INTU: variants seen among roughly 807,000 people sequenced by gnomAD.
The protein encoded by INTU is inturned planar cell polarity protein, also known as protein inturned.
Under a neutral mutation model 100.5 loss-of-function variants are expected in INTU, and 68 were observed. The observed-to-expected ratio is 0.68, with a 90% CI of 0.56 to 0.83. INTU has a LOEUF of 0.83. INTU is among the 40% of genes least tolerant of loss of function. The pLI is 0.00. For missense variants in INTU, 1,071 were observed against 1,114.7 expected, an observed-to-expected ratio of 0.96 and a Z score of 0.56; for synonymous variants, 357 against 395.7, an observed-to-expected ratio of 0.90 and a Z score of 1.16.
intron 3 of INTU, among the ~76,000 whole-genome samples, chr4:127,662,200 T>A (rs182171242): frequency 1.3e-3 from 202 of 152,306 alleles, no homozygotes; most frequent in African/African-American, 4.4e-3. Flanking sequence ...AGATGCGTAG[T>A]TTGCAACTAT....
intron 6 of INTU, among the ~76,000 whole-genome samples, chr4:127,681,246 A>C (rs1367253517): frequency 6.6e-6 from 1 of 152,220 alleles, no homozygotes; most frequent in Non-Finnish European, 1.5e-5. Context: ...GAATTGGAAA[A>C]AACTACTTTA....
Position 127,641,369 on chromosome 4 carries a change from C to T in INTU, c.147-2152C>T, listed in dbSNP as rs528926729. ...ACCACTTCTGTCATTCCCCACCTTC[C>T]GCATTTACTCTGACAACTGCAGACT... On this transcript the variant is annotated intron_variant, in intron 1 of 15. Transcript: ENST00000335251. 5.9e-5 allele frequency among the ~76,000 whole-genome samples: 9 copies of T among 152,328 alleles called. No homozygotes were observed. In the East Asian group the frequency reaches 1.5e-3, roughly 26 times the overall value.
Position 127,726,724 on chromosome 4 carries a change from G to C in INTU, c.*10288G>C. On this transcript the variant is annotated 3_prime_UTR_variant, in exon 16 of 16. Coordinates refer to ENST00000335251, the MANE Select transcript of INTU (RefSeq NM_015693.4). ...GATAGTTTTAAATAAAACTGGTTTG[G>C]AGGTTTGTTTGCAGTTGTATTGCCT... The C allele has an allele frequency of 6.6e-6, 1 of 152,042 alleles. No homozygotes were observed. The allele number at this position is 152,042 out of a possible 1,614,324, so 9.4% of individuals were successfully genotyped here. A position where few individuals can be genotyped will look rare whatever the true frequency, so the allele number is the denominator to read the frequency against.
rs1731269306 is a variant in INTU at position 127,716,568 on chromosome 4, ATT to A, written c.*133_*134del. 1 of 397,966 alleles carries A rather than the reference ATT, an allele frequency of 2.5e-6. No homozygotes were observed. The highest frequency in any genetic ancestry group is 4.5e-6 in the Non-Finnish European group (1 of 223,556). The allele number at this position is 397,966 out of a possible 1,614,324, so 24.7% of individuals were successfully genotyped here. On this transcript the variant is annotated 3_prime_UTR_variant, in exon 16 of 16. Transcript: ENST00000335251. Reference sequence around the variant, plus strand: ...AATATTGAACATAATATTGTTAAATATTGAGATGAAATGCTGTTGGATTTGAT... The same window carrying A: ...AATATTGAACATAATATTGTTAAATAGAGATGAAATGCTGTTGGATTTGAT...
At chr4:127,633,274 G>A in intron 1 of INTU, 94 bp downstream of exon 1, 1 of 1,320,042 alleles carries the variant, frequency 7.6e-7, no homozygotes. Context: ...TGGCGTGGTT[G>A]GAATCGAGTA....
rs142335672 is a variant in INTU, at chr4:127,646,862, T to C, written c.682+2806T>C. Among the ~76,000 whole-genome samples the C allele has an allele frequency of 1.9e-3, 285 of 152,314 alleles. 1 individual carries two copies. Among genetic ancestry groups the C allele is most frequent in the African/African-American group, 6.6e-3 (274 of 41,568 alleles). On this transcript the variant is annotated intron_variant, in intron 2 of 15. Coordinates refer to ENST00000335251, the MANE Select transcript of INTU (RefSeq NM_015693.4). ...ACAAAATTTATTGTTAGTAAATGCA[T>C]TGGCAGAAAACATTGAGTTTTGAAT...
Position 127,704,279 on chromosome 4 carries a change from C to G in INTU, c.1555C>G (p.Leu519Val). Residue 519 changes from leucine (L) to valine (V), a missense_variant, in exon 10 of 16, where the codon CTA becomes GTA. Leu to Val is a conservative substitution (Grantham distance 32, BLOSUM62 1). Coordinates refer to ENST00000335251, the MANE Select transcript of INTU (RefSeq NM_015693.4). Reference sequence around the variant, plus strand: ...GCTGTATACAATTTTGGGGTCTTCTCTATTTTACAAGGTAAGTTGAAGCTT... The same window carrying G: ...GCTGTATACAATTTTGGGGTCTTCTGTATTTTACAAGGTAAGTTGAAGCTT... The part of the protein sequence containing the change: ...RRLYTILGSS[L>V]FYKGYLICSH... 6.2e-7 allele frequency: 1 copy of G among 1,609,834 alleles called. No individual in the cohort carries two copies. The highest frequency in any genetic ancestry group is 8.5e-7 in the Non-Finnish European group (1 of 1,177,500).
At chr4:127,638,058 G>A (rs550765468) in intron 1 of INTU, among the ~76,000 whole-genome samples, 1 of 152,252 alleles carries the variant, frequency 6.6e-6, no homozygotes, top group Non-Finnish European at 1.5e-5. Context: ...GAAATTCATG[G>A]TGTTCCTTTA....
intron 2 of INTU, among the ~76,000 whole-genome samples, chr4:127,653,027 C>T (rs1247568498): frequency 6.6e-6 from 1 of 151,640 alleles, no homozygotes; most frequent in Admixed American, 6.6e-5. Context: ...TTGTAGTATT[C>T]TCTGATGGTA....
intron 2 of INTU, among the ~76,000 whole-genome samples, chr4:127,646,592 A>G (rs1265583338): frequency 6.6e-6 from 1 of 152,174 alleles, no homozygotes; most frequent in Non-Finnish European, 1.5e-5. Context: ...CTTTCTCAAT[A>G]TTTCAGTTAG....
chr4:127,655,601 C>T (rs1728158387), intron 2 of INTU, among the ~76,000 whole-genome samples: 2 of 151,442 alleles, frequency 1.3e-5, no homozygotes, highest in Non-Finnish European at 1.5e-5. Context: ...CAGCTGCGTG[C>T]TGGGAGAACC....
At chr4:127,646,139 G>A (rs115383880) in intron 2 of INTU, among the ~76,000 whole-genome samples, 2,769 of 149,156 alleles carry the variant, frequency 0.019, 36 homozygotes, top group Middle Eastern at 0.056. Context: ...AGCCAAGATT[G>A]TACCACCGCA....
chr4:127,698,258 C>T (rs1268860452), intron 8 of INTU, among the ~76,000 whole-genome samples: 1 of 152,036 alleles, frequency 6.6e-6, no homozygotes, highest in Non-Finnish European at 1.5e-5. Flanking sequence ...GTCAGGAGTT[C>T]GAGACCATCC....
chr4:127,705,507 A>C, intron 10 of INTU, 84 bp from the exon 11 acceptor site: 2 of 970,278 alleles, frequency 2.1e-6, no homozygotes, highest in Non-Finnish European at 3.3e-6. Flanking sequence ...CAACGGAAGA[A>C]GTGTCTATGA....
intron 1 of INTU, among the ~76,000 whole-genome samples, chr4:127,640,532 G>T (rs1329293051): frequency 2.3e-5 from 2 of 85,420 alleles, no homozygotes; most frequent in African/African-American, 4.7e-5. Flanking sequence ...TAGTCTTTTG[G>T]GTAAAGATAC....
rs1181223985 is a variant in INTU at position 127,633,053 on chromosome 4, T to C, written c.19T>C (p.Cys7Arg). Reference sequence around the variant, plus strand: ...CCTGACGATGGCCTCTGTGGCTTCGTGCGATTCGCGTCCGAGCTCAGACGA... The same window carrying C: ...CCTGACGATGGCCTCTGTGGCTTCGCGCGATTCGCGTCCGAGCTCAGACGA... The part of the protein sequence containing the change: MASVAS[C>R]DSRPSSDELP... Residue 7 changes from cysteine to arginine, a missense_variant, in exon 1 of 16, where the codon TGC (cysteine) becomes CGC (arginine). Physicochemically the swap from Cys to Arg is radical, Grantham distance 180 (BLOSUM62 -3). Transcript: ENST00000335251. The C allele has an allele frequency of 1.2e-6, 2 of 1,613,500 alleles. No homozygotes were observed. The highest frequency in any genetic ancestry group is 2.2e-5 in the South Asian group (2 of 91,046).
rs777381004 is a variant in INTU, at chr4:127,633,186, G to A, written c.146+6G>A. On this transcript the variant is annotated splice_donor_region_variant and intron_variant, in intron 1 of 15. Coordinates refer to ENST00000335251, the MANE Select transcript of INTU (RefSeq NM_015693.4). ...TCAGCGAGTAGCGATTATGAGTAAG[G>A]TTTTCAAAGAGGGACAATTAATCCC... 6.2e-7 allele frequency: 1 copy of A among 1,611,704 alleles called. No homozygotes were observed. Among genetic ancestry groups the A allele is most frequent in the Admixed American group, 1.7e-5 (1 of 59,962 alleles).
At chr4:127,671,570 TAAAAA>T (rs1294822578) in intron 5 of INTU, among the ~76,000 whole-genome samples, 9 of 151,988 alleles carry the variant, frequency 5.9e-5, no homozygotes, top group African/African-American at 1.9e-4. Flanking sequence ...CTCAAAAAAC[TAAAAA>T]TAGAACTACA....
Position 127,674,155 on chromosome 4 carries a change from C to T in INTU, c.1123C>T (p.His375Tyr), listed in dbSNP as rs1208190189. The change falls in exon 6 of 16, where the codon CAT becomes TAT. Residue 375 changes from histidine (H) to tyrosine (Y), a missense_variant. Physicochemically the swap from His to Tyr is moderately conservative, Grantham distance 83. Coordinates refer to ENST00000335251, the MANE Select transcript of INTU (RefSeq NM_015693.4). ...SSLLLNGKQIHVAYWKESDKL... is the reference protein window; with the variant it reads ...SSLLLNGKQIYVAYWKESDKL... ...CCTCCTTTTAAATGGAAAACAAATT[C>T]ATGTGGCTTATTGGAAAGAATCTGA... 1 of 1,610,926 alleles carries T rather than the reference C, an allele frequency of 6.2e-7. No homozygotes were observed. Among genetic ancestry groups the T allele is most frequent in the African/African-American group, 1.3e-5 (1 of 74,830 alleles).
Sources: allele counts gnomAD v4.1 joint callset (sites outside exome capture counted in the v4.1 genomes callset), GRCh38; gene constraint gnomAD v4.1.1; transcripts MANE v1.5; gene names NCBI Gene and HGNC (gene_info 2026-07-23, HGNC 2026-07-21).